ABCA8: variants seen among roughly 807,000 people sequenced by gnomAD.
ABCA8 encodes the protein ABC-type organic anion transporter ABCA8.
ABCA8 carries 177 observed loss-of-function variants against 192.3 expected under a neutral mutation model. That is an observed-to-expected ratio of 0.92 (90% CI 0.81 to 1.04). The LOEUF (loss-of-function observed/expected upper bound fraction) is 1.04, where lower values mean the gene tolerates loss of function less well. Ranked by LOEUF, ABCA8 falls within the 50% of genes least tolerant of loss-of-function variation. The probability of loss-of-function intolerance (pLI) is 0.00; values close to 1 mark genes in which losing one functional copy is unlikely to be tolerated. For synonymous variants in ABCA8, 642 were observed against 690.2 expected (o/e 0.93, Z 1.09); for missense variants, 1,915 against 1,904.8 (o/e 1.01, Z -0.10).
rs1379762633 is a variant in ABCA8, at chr17:68,877,644, C to T, written c.4074G>A (p.Leu1358=). 6 of 1,613,640 alleles carry T rather than the reference C, an allele frequency of 3.7e-6. No homozygotes were observed. In the South Asian group the frequency reaches 6.6e-5, roughly 18 times the overall value. Residue 1358 remains leucine (L), a synonymous_variant, in exon 33 of 40, where the codon CTG becomes CTA. Transcript: ENST00000586539. ...CCTGAGGGCAGTACCCCAGGAACTC[C>T]AGGGCATCCCCTCCACCGCTCCCTT... ...LLKGSGGGDA[L]EFLGYCPQEN...
At chr17:68,943,955 C>G (rs1343901402) in intron 2 of ABCA8, among the ~76,000 whole-genome samples, 5 of 151,868 alleles carry the variant, frequency 3.3e-5, no homozygotes, top group African/African-American at 1.2e-4. Context: ...ATATATACAC[C>G]ATGGAATACT....
intron 17 of ABCA8, among the ~76,000 whole-genome samples, chr17:68,913,017 A>T (rs1031182844): frequency 1.3e-5 from 2 of 151,762 alleles, no homozygotes; most frequent in Non-Finnish European, 2.9e-5. Context: ...CAAGACTTAA[A>T]TTTTTTTTTC....
intron 21 of ABCA8, among the ~76,000 whole-genome samples, chr17:68,895,440 C>A (rs1161260459): frequency 6.6e-6 from 1 of 152,072 alleles, no homozygotes; most frequent in Admixed American, 6.6e-5. Context: ...TAGACCTTCT[C>A]CCCAGAAAAA....
chr17:68,885,372 C>A, intron 26 of ABCA8, 57 bp from the exon 27 acceptor site: 2 of 1,517,312 alleles, frequency 1.3e-6, no homozygotes, highest in South Asian at 1.3e-5. Context: ...AGTTCCAAAT[C>A]GAGATGGCTC....
chr17:68,923,819 A>G (rs1304656524), intron 11 of ABCA8, among the ~76,000 whole-genome samples: 1 of 152,206 alleles, frequency 6.6e-6, no homozygotes, highest in Non-Finnish European at 1.5e-5. Context: ...GATGATGAGT[A>G]TGACTTGGAC....
In ABCA8 at chr17:68,907,747, T is replaced by C; in HGVS notation, c.2271A>G (p.Lys757=). Residue 757 remains lysine, a synonymous_variant, in exon 18 of 40, where the codon AAA becomes AAG. Transcript: ENST00000586539. ...IYTLPLERTN[K]FPELYKDLDS... ...AGTGTTCATGCACATTACCTGGAAATTTATTTGTTCTTTCTAAGGGTAATG... is the reference window on the plus strand; with the variant it reads ...AGTGTTCATGCACATTACCTGGAAACTTATTTGTTCTTTCTAAGGGTAATG... 1 of 1,585,878 alleles carries C rather than the reference T, an allele frequency of 6.3e-7. No individual in the cohort carries two copies. The highest frequency in any genetic ancestry group is 8.5e-7 in the Non-Finnish European group (1 of 1,170,378).
chr17:68,876,732 T>C, intron 33 of ABCA8, 29 bp from the exon 34 acceptor site: 1 of 1,613,568 alleles, frequency 6.2e-7, no homozygotes, highest in Non-Finnish European at 8.5e-7. Flanking sequence ...TCGTACAGTC[T>C]TCTTGACAAG....
At chr17:68,954,039 TC>T (rs772344550) in intron 1 of ABCA8, among the ~76,000 whole-genome samples, 143 of 125,900 alleles carry the variant, frequency 1.1e-3, no homozygotes, top group Non-Finnish European at 1.5e-3. Flanking sequence ...TTTTTTTTTT[TC>T]GTTTTATTAT....
chr17:68,877,455 T>C, intron 33 of ABCA8, 64 bp downstream of exon 33: 1 of 1,424,634 alleles, frequency 7.0e-7, no homozygotes, highest in Admixed American at 2.1e-5. Flanking sequence ...CCTGTGAGGG[T>C]CATCACTCTC....
At chr17:68,924,087 G>A (rs917019355) in intron 11 of ABCA8, among the ~76,000 whole-genome samples, 13 of 152,092 alleles carry the variant, frequency 8.5e-5, no homozygotes, top group Non-Finnish European at 1.2e-4. Flanking sequence ...AAGGCCAGGC[G>A]CGGTGGCTCA....
Position 68,937,248 on chromosome 17 carries a change from T to C in ABCA8, c.302-133A>G. The C allele has an allele frequency of 3.9e-6, 3 of 760,716 alleles. No individual in the cohort carries two copies. The Admixed American group carries it at 1.1e-4, about 28-fold the overall frequency. 47.1% of individuals were successfully genotyped at this position (760,716 alleles called of 1,614,324 possible). A position where few individuals can be genotyped will look rare whatever the true frequency, so the allele number is the denominator to read the frequency against. On this transcript the variant is annotated intron_variant, in intron 4 of 39. Coordinates refer to ENST00000586539, the MANE Select transcript of ABCA8 (RefSeq NM_001288985.2). ...TATCAAGTATTAACTTTTAGAAAGT[T>C]AGACTAAAATGTTGGGTGGGAGAGA...
chr17:68,902,894 A>G lies in ABCA8; in HGVS notation c.2598-15T>C. 6.2e-7 allele frequency: 1 copy of G among 1,601,396 alleles called. No individual in the cohort carries two copies. Among genetic ancestry groups the G allele is most frequent in the South Asian group, 1.1e-5 (1 of 89,250 alleles). ...GAATTAATAGCCTACACAAAAGAAAATTGCCAAAATGAATGCAATGTCATT... is the reference window on the plus strand; with the variant it reads ...GAATTAATAGCCTACACAAAAGAAAGTTGCCAAAATGAATGCAATGTCATT... On this transcript the variant is annotated splice_polypyrimidine_tract_variant and intron_variant, in intron 20 of 39. Coordinates refer to ENST00000586539, the MANE Select transcript of ABCA8 (RefSeq NM_001288985.2).
chr17:68,937,036 G>A lies in ABCA8; in HGVS notation c.381C>T (p.Val127=). 6.2e-7 allele frequency: 1 copy of A among 1,609,262 alleles called. No individual in the cohort carries two copies. The highest frequency in any genetic ancestry group is 8.5e-7 in the Non-Finnish European group (1 of 1,177,310). Residue 127 remains valine (V), a synonymous_variant, in exon 5 of 40, where the codon GTC becomes GTT. Transcript: ENST00000586539. ...TANYPEEIVR[V]TFTNTYSYHL... ...GATATGAGTATGTATTAGTAAAGGT[G>A]ACTCTTACTATTTCTTCAGGATAAT...
At chr17:68,882,566 G>A in intron 30 of ABCA8, 33 bp downstream of exon 30, 1 of 1,584,360 alleles carries the variant, frequency 6.3e-7, no homozygotes. Flanking sequence ...CTGGTAGACT[G>A]ACTAATAAAA....
Position 68,894,862 on chromosome 17 carries a change from T to G in ABCA8, c.2898+18A>C. Reference sequence around the variant, plus strand: ...AGCTTTTCACATTTTTCAGAAAGATTATTAGAGACCTGCATACCTTTTCAT... The same window carrying G: ...AGCTTTTCACATTTTTCAGAAAGATGATTAGAGACCTGCATACCTTTTCAT... On this transcript the variant is annotated intron_variant, in intron 22 of 39. Transcript: ENST00000586539. The G allele has an allele frequency of 6.2e-7, 1 of 1,603,456 alleles. No individual in the cohort carries two copies. Among genetic ancestry groups the G allele is most frequent in the African/African-American group, 1.3e-5 (1 of 74,422 alleles).
Position 68,900,053 on chromosome 17 carries a change from G to A in ABCA8, c.2764+2660C>T, listed in dbSNP as rs143677857. Among the ~76,000 whole-genome samples, 695 of 152,170 alleles carry A rather than the reference G, an allele frequency of 4.6e-3. 7 individuals carry two copies. Among genetic ancestry groups the A allele is most frequent in the African/African-American group, 0.016 (644 of 41,548 alleles). ...CTTCTGTGTTAAGACACTGAAAAGA[G>A]AGGAACAAGCTAAACACAAGGCAAA... On this transcript the variant is annotated intron_variant, in intron 21 of 39. Coordinates refer to ENST00000586539, the MANE Select transcript of ABCA8 (RefSeq NM_001288985.2).
chr17:68,885,109 ATGT>A (rs2066425401), intron 27 of ABCA8, 84 bp downstream of exon 27: 3 of 1,407,448 alleles, frequency 2.1e-6, no homozygotes, highest in South Asian at 3.1e-5. Flanking sequence ...CACTTTAAAC[ATGT>A]TGTAGTAGAC....
In ABCA8 at chr17:68,882,651, T is replaced by C. The variant is rs2066364127; in HGVS notation, c.3776A>G (p.Gln1259Arg). ...ATTTGCTGTTCTCACTCTTTCCATCTGAACATCTTCATCCTCTCCTTCTGG... is the reference window on the plus strand; with the variant it reads ...ATTTGCTGTTCTCACTCTTTCCATCCGAACATCTTCATCCTCTCCTTCTGG... ...EEPEGEDEDV[Q>R]MERVRTANAL... Residue 1259 changes from glutamine to arginine, a missense_variant, in exon 30 of 40, where the codon CAG (glutamine) becomes CGG (arginine). By Grantham distance (43) the Gln-to-Arg change is conservative. Transcript: ENST00000586539. The C allele has an allele frequency of 6.2e-7, 1 of 1,613,076 alleles. No individual in the cohort carries two copies. The highest frequency in any genetic ancestry group is 8.5e-7 in the Non-Finnish European group (1 of 1,179,494).
At chr17:68,939,035 C>G (rs1371541273) in intron 4 of ABCA8, among the ~76,000 whole-genome samples, 2 of 152,056 alleles carry the variant, frequency 1.3e-5, no homozygotes, top group African/African-American at 4.8e-5. Context: ...CAGGACACAC[C>G]ATTTGCCATT....
Sources: gnomAD v4.1 joint callset for allele counts (sites outside exome capture counted in the v4.1 genomes callset) on GRCh38, gnomAD v4.1.1 for gene constraint, MANE v1.5 for transcripts, NCBI Gene and HGNC (gene_info 2026-07-23, HGNC 2026-07-21) for gene names.